Variants in GABRG3 observed in about 807,000 individuals in gnomAD.
GABRG3 encodes the protein gamma-aminobutyric acid receptor subunit gamma-3.
In GABRG3, 25 loss-of-function variants were observed where a neutral mutation model predicts 48.8. That is an observed-to-expected ratio of 0.51 (90% CI 0.37 to 0.72). The LOEUF (loss-of-function observed/expected upper bound fraction) is 0.72, where lower values mean the gene tolerates loss of function less well. GABRG3 is among the 30% of genes least tolerant of loss of function. GABRG3 has a pLI of 0.00. For missense variants in GABRG3, 394 were observed against 577.9 expected (o/e 0.68, Z 3.26); for synonymous variants, 227 against 217.6 (o/e 1.04, Z -0.38).
chr15:27,042,541 C>T (rs539355350), intron 3 of GABRG3, among the ~76,000 whole-genome samples: 2 of 152,230 alleles, frequency 1.3e-5, no homozygotes, highest in East Asian at 1.9e-4. Context: ...AGCTGGCTCA[C>T]CCTCCCTGGG....
chr15:27,372,362 A>G (rs1175588083), intron 5 of GABRG3, among the ~76,000 whole-genome samples: 5 of 152,004 alleles, frequency 3.3e-5, no homozygotes, highest in Non-Finnish European at 5.9e-5. Flanking sequence ...GAACACTTTG[A>G]TTTTCATTTA....
chr15:27,229,075 C>T (rs1178766939), intron 3 of GABRG3, among the ~76,000 whole-genome samples: 1 of 152,148 alleles, frequency 6.6e-6, no homozygotes, highest in African/African-American at 2.4e-5. Flanking sequence ...TTAATTAGAT[C>T]CCACTTGTCA....
chr15:27,240,316 G>A (rs746611721), intron 3 of GABRG3, among the ~76,000 whole-genome samples: 42 of 152,184 alleles, frequency 2.8e-4, no homozygotes, highest in Non-Finnish European at 3.2e-4. Context: ...CAGAACCCTG[G>A]AGGTGGGAGC....
At chr15:27,162,132 G>T (rs1044877691) in intron 3 of GABRG3, among the ~76,000 whole-genome samples, 2 of 152,134 alleles carry the variant, frequency 1.3e-5, no homozygotes, top group Non-Finnish European at 2.9e-5. Flanking sequence ...CAAAATATCT[G>T]GGGATGCTTA....
At chr15:27,185,136 T>C (rs1445340919) in intron 3 of GABRG3, among the ~76,000 whole-genome samples, 2 of 152,188 alleles carry the variant, frequency 1.3e-5, no homozygotes, top group African/African-American at 4.8e-5. Flanking sequence ...AATTATTGAT[T>C]TGAGACCTTC....
intron 3 of GABRG3, among the ~76,000 whole-genome samples, chr15:27,071,348 G>A (rs1051580088): frequency 1.3e-5 from 2 of 152,166 alleles, no homozygotes; most frequent in East Asian, 1.9e-4. Context: ...CTCGGACAGC[G>A]CTGATTCGAG....
intron 3 of GABRG3, among the ~76,000 whole-genome samples, chr15:27,101,047 A>G (rs1897347228): frequency 6.6e-6 from 1 of 152,206 alleles, no homozygotes; most frequent in South Asian, 2.1e-4. Flanking sequence ...AGATAAGCTG[A>G]TTGTCTACAT....
Position 27,466,203 on chromosome 15 carries a change from A to C in GABRG3, c.575-14447A>C, listed in dbSNP as rs1595773151. 2.6e-5 allele frequency among the ~76,000 whole-genome samples: 4 copies of C among 152,338 alleles called. No homozygotes were observed. In the South Asian group the frequency reaches 8.3e-4, roughly 32 times the overall value. On this transcript the variant is annotated intron_variant, in intron 5 of 9. Transcript: ENST00000615808. ...ACAGTGGGCGAAGGGCTTGTGACCC[A>C]GCAGCAGACTTTACAATATTCCATA...
intron 5 of GABRG3, among the ~76,000 whole-genome samples, chr15:27,347,427 A>G (rs532679008): frequency 6.6e-6 from 1 of 152,128 alleles, no homozygotes; most frequent in Non-Finnish European, 1.5e-5. Flanking sequence ...TCCCAGCTAC[A>G]GTGCCCCCCA....
chr15:27,144,897 A>G (rs985312798), intron 3 of GABRG3, among the ~76,000 whole-genome samples: 3 of 152,238 alleles, frequency 2.0e-5, no homozygotes, highest in African/African-American at 7.2e-5. Flanking sequence ...TTTCTGCCCA[A>G]CCACTAACTT....
intron 5 of GABRG3, among the ~76,000 whole-genome samples, chr15:27,394,161 G>A (rs1249135079): frequency 6.6e-6 from 1 of 152,048 alleles, no homozygotes; most frequent in Admixed American, 6.6e-5. Flanking sequence ...GGTCATTTTT[G>A]TTCCTCTCAC....
At chr15:27,149,769 G>A (rs1192782212) in intron 3 of GABRG3, among the ~76,000 whole-genome samples, 1 of 152,110 alleles carries the variant, frequency 6.6e-6, no homozygotes, top group East Asian at 1.9e-4. Context: ...TTTTGACAAG[G>A]GCTAAAGATA....
At chr15:27,020,230 T>C (rs1895863380) in intron 2 of GABRG3, among the ~76,000 whole-genome samples, 1 of 152,194 alleles carries the variant, frequency 6.6e-6, no homozygotes, top group Non-Finnish European at 1.5e-5. Context: ...ACTTGACACG[T>C]CTGCTCAGAA....
intron 5 of GABRG3, among the ~76,000 whole-genome samples, chr15:27,372,804 C>G (rs1250673144): frequency 6.6e-6 from 1 of 152,204 alleles, no homozygotes; most frequent in Non-Finnish European, 1.5e-5. Context: ...TTCATACTCA[C>G]TTCCCTCCTG....
intron 3 of GABRG3, among the ~76,000 whole-genome samples, chr15:27,276,907 A>C (rs1891273330): frequency 6.6e-6 from 1 of 152,192 alleles, no homozygotes; most frequent in African/African-American, 2.4e-5. Flanking sequence ...AAACACTTCT[A>C]TTCTATATCA....
At chr15:27,337,604 A>C (rs28583735) in intron 5 of GABRG3, among the ~76,000 whole-genome samples, 4 of 152,210 alleles carry the variant, frequency 2.6e-5, no homozygotes, top group African/African-American at 9.6e-5. Context: ...AGGTCTTCAC[A>C]CAAGATGCAC....
At chr15:27,361,201 C>T (rs1895012695) in intron 5 of GABRG3, among the ~76,000 whole-genome samples, 1 of 152,140 alleles carries the variant, frequency 6.6e-6, no homozygotes. Context: ...GGGAGTGTGT[C>T]TTTGTGGCAC....
At chr15:27,237,841 C>G (rs996682739) in intron 3 of GABRG3, among the ~76,000 whole-genome samples, 15 of 152,170 alleles carry the variant, frequency 9.9e-5, no homozygotes, top group South Asian at 4.1e-4. Flanking sequence ...GACTTTACAG[C>G]CAGGCAGGAA....
chr15:27,056,624 A>T (rs1896552798), intron 3 of GABRG3, among the ~76,000 whole-genome samples: 1 of 152,058 alleles, frequency 6.6e-6, no homozygotes, highest in Non-Finnish European at 1.5e-5. Flanking sequence ...CGCCGGAAGG[A>T]GCTCAGATCC....
Sources: gnomAD v4.1 joint callset for allele counts (sites outside exome capture counted in the v4.1 genomes callset) on GRCh38, gnomAD v4.1.1 for gene constraint, MANE v1.5 for transcripts, NCBI Gene and HGNC (gene_info 2026-07-23, HGNC 2026-07-21) for gene names.